Variants in PSMD4 observed in about 807,000 individuals in gnomAD.
The protein encoded by PSMD4 is proteasome 26S subunit ubiquitin receptor, non-ATPase 4.
In PSMD4, 5 loss-of-function variants were observed where a neutral mutation model predicts 39.7. The observed-to-expected ratio is 0.13, with a 90% confidence interval of 0.07 to 0.26. The LOEUF (loss-of-function observed/expected upper bound fraction) is 0.26, where lower values mean the gene tolerates loss of function less well. Ranked by LOEUF, PSMD4 falls within the 10% of genes least tolerant of loss-of-function variation. The pLI is 1.00. For missense variants in PSMD4, 272 were observed against 486.1 expected (o/e 0.56, Z 4.14); for synonymous variants, 143 against 174.6 (o/e 0.82, Z 1.43).
chr1:151,259,254 C>G (rs1458349449), intron 1 of PSMD4: 2 of 152,056 alleles, frequency 1.3e-5, no homozygotes, highest in African/African-American at 4.8e-5. Context: ...TGGCTAGGAC[C>G]ATAAGTGTTT....
Position 151,266,279 on chromosome 1 carries a change from C to G in PSMD4, c.764-29C>G, listed in dbSNP as rs762731958. On this transcript the variant is annotated intron_variant, in intron 7 of 9. Transcript: ENST00000368884. ...GGCCTGTGTGGATATGGCACCAATT[C>G]TACCCTGCTCCTCTTTTCCTTTTCC... 5.6e-6 allele frequency: 9 copies of G among 1,613,790 alleles called. No homozygotes were observed. In the Admixed American group the frequency reaches 1.5e-4, roughly 27 times the overall value.
Position 151,257,996 on chromosome 1 carries a change from G to C in PSMD4, c.26+3188G>C, listed in dbSNP as rs11804061. ...ATTGTAGAGCTCTTTCATCTCCCTG[G>C]TTAGTTGTATTCCTAGGTTTGTTTG... On this transcript the variant is annotated intron_variant, in intron 1 of 9. Transcript: ENST00000368884. Among the ~76,000 whole-genome samples the C allele has an allele frequency of 9.2e-3, 1,397 of 151,816 alleles. 29 individuals are homozygous for C. Among genetic ancestry groups the C allele is most frequent in the African/African-American group, 0.032 (1,322 of 41,414 alleles).
rs770673291 is a variant in PSMD4 at position 151,263,936 on chromosome 1, C to G, written c.190C>G (p.Leu64Val). 6.3e-7 allele frequency: 1 copy of G among 1,591,116 alleles called. No homozygotes were observed. The change falls in exon 3 of 10, where the codon CTC (leucine) becomes GTC (valine). Residue 64 changes from leucine to valine, a missense_variant. Leu to Val is a conservative substitution (Grantham distance 32). Transcript: ENST00000368884. ...LANDCEVLTT[L>V]TPDTGRILSK... ...CAGTGACTGTGAAGTGCTGACCACACTCACCCCAGACACTGGCCGTATCCT... is the reference window on the plus strand; with the variant it reads ...CAGTGACTGTGAAGTGCTGACCACAGTCACCCCAGACACTGGCCGTATCCT...
intron 2 of PSMD4, among the ~76,000 whole-genome samples, chr1:151,263,582 A>G (rs1483170551): frequency 6.6e-6 from 1 of 152,162 alleles, no homozygotes; most frequent in Non-Finnish European, 1.5e-5. Context: ...TAATCCCAGC[A>G]CTTTGGAAGG....
At position 151,266,019 on chromosome 1, in the gene PSMD4, A is replaced by C; in HGVS notation, c.670A>C (p.Met224Leu). ...CCTTCACCAGGCCCTTCGTGTATCT[A>C]TGGAAGAGCAGCGGCAGCGGCAGGA... is the stretch of plus-strand genomic sequence containing the variant. Reference protein sequence around the residue: ...PELALALRVSMEEQRQRQEEE... With the variant: ...PELALALRVSLEEQRQRQEEE... The change falls in exon 7 of 10, where the codon ATG becomes CTG. Residue 224 changes from methionine (M) to leucine (L), a missense_variant. By Grantham distance (15) the Met-to-Leu change is conservative. Coordinates refer to ENST00000368884, the MANE Select transcript of PSMD4 (RefSeq NM_002810.4). The C allele has an allele frequency of 6.2e-7, 1 of 1,602,926 alleles. No homozygotes were observed. Among genetic ancestry groups the C allele is most frequent in the Non-Finnish European group, 8.5e-7 (1 of 1,174,632 alleles).
rs1384668195 is a variant in PSMD4, at chr1:151,261,174, CT to C, written c.27-982del. On this transcript the variant is annotated intron_variant, in intron 1 of 9. Transcript: ENST00000368884. Reference sequence around the variant, plus strand: ...AGCCTATTTTATAGATTTTTTTTTTCTTTTTCTTTTTTTTTTTTTTTTTTTG... The same window carrying C: ...AGCCTATTTTATAGATTTTTTTTTTCTTTTCTTTTTTTTTTTTTTTTTTTG... Among the ~76,000 whole-genome samples, 14 of 140,668 alleles carry C rather than the reference CT, an allele frequency of 1.0e-4. No individual in the cohort carries two copies. In the South Asian group the frequency reaches 1.8e-3, roughly 18 times the overall value. 92.3% of individuals were successfully genotyped at this position (140,668 alleles called of 152,430 possible).
At chr1:151,265,976 G>A in intron 6 of PSMD4, 28 bp from the exon 7 acceptor site, 1 of 1,545,234 alleles carries the variant, frequency 6.5e-7, no homozygotes, top group Admixed American at 2.0e-5. Context: ...GGGCAGGGGA[G>A]CCCTGATTAT....
intron 6 of PSMD4, 79 bp downstream of exon 6, chr1:151,265,688 T>C (rs1693416239): frequency 6.9e-7 from 1 of 1,455,772 alleles, no homozygotes; most frequent in African/African-American, 1.4e-5. Context: ...AGAGCTTCTA[T>C]CAGGCTGGAT....
intron 1 of PSMD4, among the ~76,000 whole-genome samples, chr1:151,260,848 A>G (rs892670678): frequency 4.4e-5 from 6 of 136,460 alleles, no homozygotes; most frequent in African/African-American, 1.1e-4. Context: ...TATTTTATAG[A>G]TTTTTTTTTT....
intron 1 of PSMD4, among the ~76,000 whole-genome samples, chr1:151,259,715 T>C (rs1201938783): frequency 1.3e-5 from 2 of 151,528 alleles, no homozygotes; most frequent in African/African-American, 4.8e-5. Context: ...AAAGTGAGAC[T>C]CCATCTCTAT....
chr1:151,254,760 T>A lies in PSMD4; in HGVS notation c.-23T>A, dbSNP rs1394160394. 6.4e-7 allele frequency: 1 copy of A among 1,557,190 alleles called. No individual in the cohort carries two copies. Among genetic ancestry groups the A allele is most frequent in the Admixed American group, 2.0e-5 (1 of 51,090 alleles). ...TTGTTAGGCCGTCCCGGAGACCCGG[T>A]CGGGAGGGAGGAAGGTGGCAAGATG... On this transcript the variant is annotated 5_prime_UTR_variant, in exon 1 of 10. Transcript: ENST00000368884.
At chr1:151,265,110 CT>C (rs1693398578) in intron 4 of PSMD4, 55 bp from the exon 5 acceptor site, 6 of 1,429,690 alleles carry the variant, frequency 4.2e-6, no homozygotes, top group South Asian at 1.2e-5. Context: ...GCGGCGGGTC[CT>C]TTCCCCCCCT....
At chr1:151,257,715 C>CTTTTTTT (rs71090149) in intron 1 of PSMD4, among the ~76,000 whole-genome samples, 33 of 88,712 alleles carry the variant, frequency 3.7e-4, no homozygotes, top group Admixed American at 9.6e-4. Flanking sequence ...ACCTGGCTTT[C>CTTTTTTT]TTTTTTTTTT....
At chr1:151,265,947 C>T (rs1215602241) in intron 6 of PSMD4, 57 bp from the exon 7 acceptor site, 3 of 1,512,022 alleles carry the variant, frequency 2.0e-6, no homozygotes, top group East Asian at 2.3e-5. Flanking sequence ...CTGACTTTCC[C>T]AGCTCCCTGT....
chr1:151,265,887 T>C (rs1454556302), intron 6 of PSMD4, 117 bp from the exon 7 acceptor site: 1 of 1,350,772 alleles, frequency 7.4e-7, no homozygotes, highest in African/African-American at 1.5e-5. Flanking sequence ...GCTTCTTCTC[T>C]GTGTGATAAA....
chr1:151,265,621 T>G lies in PSMD4; in HGVS notation c.654+12T>G. 6.2e-7 allele frequency: 1 copy of G among 1,612,886 alleles called. No homozygotes were observed. The highest frequency in any genetic ancestry group is 1.7e-4 in the Middle Eastern group (1 of 6,054). On this transcript the variant is annotated intron_variant, in intron 6 of 9. Transcript: ENST00000368884. ...CTGAGCTGGCCTTGGTGAGCAAATG[T>G]TGACCCCAGGTAGAGTCCAAAGGTC...
At chr1:151,255,082 C>T (rs778445954) in intron 1 of PSMD4, among the ~76,000 whole-genome samples, 12 of 152,210 alleles carry the variant, frequency 7.9e-5, no homozygotes, top group Admixed American at 4.6e-4. Flanking sequence ...TAGAGCAGCC[C>T]GGGTCTGTCT....
rs1032759279 is a variant in PSMD4, at chr1:151,258,840, A to G, written c.27-3321A>G. Among the ~76,000 whole-genome samples the G allele has an allele frequency of 3.3e-5, 5 of 152,088 alleles. No homozygotes were observed. In the East Asian group the frequency reaches 9.6e-4, roughly 29 times the overall value. Reference sequence around the variant, plus strand: ...TGAGGCAGGAGAAGGGGTTAAGCCCAGGAGTTTGAGGTTACAGTGAGCTAT... The same window carrying G: ...TGAGGCAGGAGAAGGGGTTAAGCCCGGGAGTTTGAGGTTACAGTGAGCTAT... On this transcript the variant is annotated intron_variant, in intron 1 of 9. Coordinates refer to ENST00000368884, the MANE Select transcript of PSMD4 (RefSeq NM_002810.4).
At chr1:151,256,306 TGCACTCTA>T (rs1357594192) in intron 1 of PSMD4, among the ~76,000 whole-genome samples, 6 of 140,714 alleles carry the variant, frequency 4.3e-5, no homozygotes, top group African/African-American at 1.5e-4. Flanking sequence ...ATGGCGCCAC[TGCACTCTA>T]GCCTGGGCGA....
Sources: gnomAD v4.1 joint callset for allele counts (sites outside exome capture counted in the v4.1 genomes callset) on GRCh38, gnomAD v4.1.1 for gene constraint, MANE v1.5 for transcripts, NCBI Gene and HGNC (gene_info 2026-07-23, HGNC 2026-07-21) for gene names.